The following GALNT13 variants were observed in gnomAD, a reference collection of about 807,000 sequenced individuals.
GALNT13 encodes the protein polypeptide N-acetylgalactosaminyltransferase 13.
GALNT13 carries 28 observed loss-of-function variants against 64.2 expected under a neutral mutation model. That is an observed-to-expected ratio of 0.44 (90% CI 0.32 to 0.60). The LOEUF is 0.60. Ranked by LOEUF, GALNT13 falls within the 20% of genes least tolerant of loss-of-function variation. GALNT13 has a pLI of 0.05. For missense variants in GALNT13, 577 were observed against 669.8 expected (o/e 0.86, Z 1.53); for synonymous variants, 214 against 224.6 (o/e 0.95, Z 0.42).
the GALNT13 span, chr2:153,173,414 G>A: frequency 6.6e-6 from 1 of 152,110 alleles, no homozygotes; most frequent in Admixed American, 6.5e-5. Context: ...TCTGGGAGGG[G>A]GACATAGTTT....
chr2:154,330,965 T>C (rs1189525060), intron 9 of GALNT13, among the ~76,000 whole-genome samples: 1 of 152,120 alleles, frequency 6.6e-6, no homozygotes, highest in Non-Finnish European at 1.5e-5. Flanking sequence ...TAGTCTCAGC[T>C]GGAAGAGTGA....
the GALNT13 span, among the ~76,000 whole-genome samples, chr2:153,080,633 C>T: frequency 6.6e-6 from 1 of 151,842 alleles, no homozygotes; most frequent in African/African-American, 2.4e-5. Flanking sequence ...ATATATAAGA[C>T]CTTGTTGATT....
intron 8 of GALNT13, among the ~76,000 whole-genome samples, chr2:154,278,565 C>A (rs951951445): frequency 6.6e-6 from 1 of 152,060 alleles, no homozygotes; most frequent in African/African-American, 2.4e-5. Flanking sequence ...GTAGCACCTA[C>A]TTTAGGGGTG....
intron 4 of GALNT13, among the ~76,000 whole-genome samples, chr2:154,152,713 T>TCAC (rs1684123248): frequency 6.6e-6 from 1 of 152,216 alleles, no homozygotes; most frequent in Non-Finnish European, 1.5e-5. Flanking sequence ...TTTCTTCCAG[T>TCAC]TGATCGCATC....
At chr2:154,203,258 A>G (rs954913981) in intron 4 of GALNT13, among the ~76,000 whole-genome samples, 3 of 152,242 alleles carry the variant, frequency 2.0e-5, no homozygotes, top group Admixed American at 6.5e-5. Context: ...AGTGTTTTGT[A>G]TTCCTCTTAT....
the GALNT13 span, among the ~76,000 whole-genome samples, chr2:153,354,654 A>C: frequency 6.6e-6 from 1 of 152,230 alleles, no homozygotes; most frequent in African/African-American, 2.4e-5. Context: ...TGGCAGACAC[A>C]GAGCTTGTTT....
the GALNT13 span, among the ~76,000 whole-genome samples, chr2:153,252,144 C>T: frequency 1.4e-5 from 2 of 146,904 alleles, no homozygotes; most frequent in African/African-American, 5.1e-5. Flanking sequence ...TGTTTCCTGA[C>T]TTTTTAATGA....
intron 3 of GALNT13, among the ~76,000 whole-genome samples, chr2:153,953,927 A>G (rs1432956903): frequency 1.3e-5 from 2 of 152,138 alleles, no homozygotes; most frequent in Non-Finnish European, 2.9e-5. Flanking sequence ...TGGTGCTGCC[A>G]GGGAGGCTAA....
intron 3 of GALNT13, among the ~76,000 whole-genome samples, chr2:154,138,836 C>A (rs377152859): frequency 6.6e-6 from 1 of 151,744 alleles, no homozygotes; most frequent in South Asian, 2.1e-4. Context: ...TATACTAACA[C>A]CTAAAGAAAA....
chr2:153,681,220 T>TG, the GALNT13 span, among the ~76,000 whole-genome samples: 1 of 151,844 alleles, frequency 6.6e-6, no homozygotes, highest in Non-Finnish European at 1.5e-5. Flanking sequence ...ATTGATGACA[T>TG]TTCCTTAACA....
chr2:153,119,107 C>T, the GALNT13 span, among the ~76,000 whole-genome samples: 1 of 152,188 alleles, frequency 6.6e-6, no homozygotes, highest in Non-Finnish European at 1.5e-5. Context: ...TCCCCTTCTG[C>T]CATGATTGTA....
intron 9 of GALNT13, among the ~76,000 whole-genome samples, chr2:154,334,548 G>C (rs945565511): frequency 1.3e-5 from 2 of 151,844 alleles, no homozygotes; most frequent in African/African-American, 4.8e-5. Flanking sequence ...AGTTTTGTGG[G>C]GTCCCCATTT....
the GALNT13 span, among the ~76,000 whole-genome samples, chr2:153,661,508 A>G: frequency 6.6e-6 from 1 of 152,306 alleles, no homozygotes; most frequent in South Asian, 2.1e-4. Context: ...TACTAATTGT[A>G]AGAAGAAAAA....
chr2:153,618,298 A>G, the GALNT13 span, among the ~76,000 whole-genome samples: 12 of 151,920 alleles, frequency 7.9e-5, no homozygotes, highest in African/African-American at 2.4e-4. Context: ...ACTCAGAAGC[A>G]TATGGTCTAA....
chr2:153,527,123 T>G, the GALNT13 span, among the ~76,000 whole-genome samples: 1 of 152,118 alleles, frequency 6.6e-6, no homozygotes, highest in African/African-American at 2.4e-5. Context: ...GTAGAAAGTT[T>G]ATTCAAAGGG....
the GALNT13 span, among the ~76,000 whole-genome samples, chr2:153,447,951 AT>A: frequency 6.6e-6 from 1 of 152,136 alleles, no homozygotes; most frequent in East Asian, 1.9e-4. Flanking sequence ...ATATGGATTG[AT>A]TTTTGATGAT....
the GALNT13 span, among the ~76,000 whole-genome samples, chr2:153,302,476 G>C: frequency 3.9e-5 from 6 of 151,996 alleles, no homozygotes; most frequent in African/African-American, 1.4e-4. Flanking sequence ...CCCCTTATCA[G>C]ATATATGGTT....
At chr2:153,502,253 C>A in the GALNT13 span, among the ~76,000 whole-genome samples, 1 of 152,146 alleles carries the variant, frequency 6.6e-6, no homozygotes, top group Non-Finnish European at 1.5e-5. Context: ...CCACCCCTTC[C>A]CCCAAGCTCC....
chr2:153,561,392 T>C, the GALNT13 span, among the ~76,000 whole-genome samples: 1 of 152,114 alleles, frequency 6.6e-6, no homozygotes, highest in South Asian at 2.1e-4. Context: ...GAATGGGACC[T>C]GAATCTAAAC....
Sources: allele counts gnomAD v4.1 joint callset (sites outside exome capture counted in the v4.1 genomes callset), GRCh38; gene constraint gnomAD v4.1.1; transcripts MANE v1.5; gene names NCBI Gene and HGNC (gene_info 2026-07-23, HGNC 2026-07-21).